Variants in CD2AP observed in about 807,000 individuals in gnomAD.
CD2AP encodes the protein CD2-associated protein.
CD2AP carries 46 observed loss-of-function variants against 85.1 expected under a neutral mutation model. The observed-to-expected ratio is 0.54, with a 90% CI of 0.43 to 0.69. The LOEUF (loss-of-function observed/expected upper bound fraction) is 0.69. Among genes scored for constraint, CD2AP ranks in the 30% least tolerant of loss-of-function variants. The pLI, the probability that CD2AP is intolerant of heterozygous loss-of-function variation, is 0.00. For synonymous variants in CD2AP, 255 were observed against 252.9 expected (o/e 1.01, Z -0.08); for missense variants, 769 against 729.5 (o/e 1.05, Z -0.62).
intron 17 of CD2AP, among the ~76,000 whole-genome samples, chr6:47,620,592 G>A (rs1368181230): frequency 6.6e-6 from 1 of 152,068 alleles, no homozygotes; most frequent in Non-Finnish European, 1.5e-5. Flanking sequence ...AAGAATGATG[G>A]TGGTATTTTG....
chr6:47,571,289 C>A (rs891752700), intron 5 of CD2AP, among the ~76,000 whole-genome samples: 5 of 152,252 alleles, frequency 3.3e-5, no homozygotes, highest in Admixed American at 6.5e-5. Context: ...ATGGAATTCA[C>A]TTTTCCACCA....
At chr6:47,621,151 C>T (rs1217712329) in intron 17 of CD2AP, among the ~76,000 whole-genome samples, 1 of 152,154 alleles carries the variant, frequency 6.6e-6, no homozygotes, top group East Asian at 1.9e-4. Flanking sequence ...TTCAACTTTT[C>T]CCCATTCTGT....
At chr6:47,560,361 CT>C (rs559198143) in intron 5 of CD2AP, among the ~76,000 whole-genome samples, 10 of 151,784 alleles carry the variant, frequency 6.6e-5, no homozygotes, top group African/African-American at 1.9e-4. Flanking sequence ...CTCCATACAC[CT>C]TTTTTTTATT....
At chr6:47,537,567 C>CT (rs907441953) in intron 3 of CD2AP, among the ~76,000 whole-genome samples, 27 of 152,236 alleles carry the variant, frequency 1.8e-4, no homozygotes, top group African/African-American at 6.5e-4. Flanking sequence ...TTGGCTTTAT[C>CT]TTAATATACA....
intron 13 of CD2AP, among the ~76,000 whole-genome samples, chr6:47,601,198 G>A (rs1769120249): frequency 6.6e-6 from 1 of 151,698 alleles, no homozygotes; most frequent in Non-Finnish European, 1.5e-5. Context: ...CTTGGTTTGG[G>A]GGACCCTATT....
intron 5 of CD2AP, among the ~76,000 whole-genome samples, chr6:47,565,229 C>G (rs926300213): frequency 7.9e-5 from 12 of 152,078 alleles, no homozygotes; most frequent in African/African-American, 2.7e-4. Flanking sequence ...TGAGTGGTTT[C>G]TATATAAAAG....
intron 2 of CD2AP, among the ~76,000 whole-genome samples, chr6:47,504,530 T>C (rs1180343897): frequency 2.0e-5 from 3 of 152,252 alleles, no homozygotes; most frequent in Non-Finnish European, 4.4e-5. Flanking sequence ...TTCTCCCATA[T>C]ACTTTAAATA....
At chr6:47,485,739 G>A (rs528426663) in intron 1 of CD2AP, among the ~76,000 whole-genome samples, 2 of 152,126 alleles carry the variant, frequency 1.3e-5, no homozygotes, top group Admixed American at 1.3e-4. Context: ...CTATGTAGGT[G>A]TACCATTTTT....
At chr6:47,568,467 C>T (rs537863504) in intron 5 of CD2AP, among the ~76,000 whole-genome samples, 3 of 152,112 alleles carry the variant, frequency 2.0e-5, no homozygotes, top group Admixed American at 6.5e-5. Flanking sequence ...GTAGGCTGGG[C>T]GCGGTGGCTT....
intron 1 of CD2AP, among the ~76,000 whole-genome samples, chr6:47,482,867 A>C (rs1765478954): frequency 6.6e-6 from 1 of 152,208 alleles, no homozygotes; most frequent in Admixed American, 6.5e-5. Context: ...GAACGATAAA[A>C]ATGCTTACTT....
intron 17 of CD2AP, among the ~76,000 whole-genome samples, chr6:47,615,843 G>A (rs577888216): frequency 1.6e-3 from 221 of 140,274 alleles, no homozygotes; most frequent in African/African-American, 5.6e-3. Context: ...GCAGTGGTAC[G>A]AACTCGGCTG....
intron 17 of CD2AP, among the ~76,000 whole-genome samples, chr6:47,623,821 TTATG>T (rs1472100266): frequency 6.6e-6 from 1 of 152,156 alleles, no homozygotes; most frequent in Non-Finnish European, 1.5e-5. Flanking sequence ...TTACTGTTGT[TTATG>T]TATCCTTTGT....
In CD2AP at chr6:47,612,475, A is replaced by G. The variant is rs759621262; in HGVS notation, c.1817A>G (p.Lys606Arg). The change falls in exon 17 of 18, where the codon AAA (lysine) becomes AGA (arginine). Residue 606 changes from lysine to arginine, a missense_variant and splice_region_variant. Coordinates refer to ENST00000359314, the MANE Select transcript of CD2AP (RefSeq NM_012120.3). ...AGTAATAAGTACTTTGTTTTTAGGA[A>G]AGAACTGGAAAAACTGCGAAAAGAT... ...IVEALKKDHG[K>R]ELEKLRKDLE... is the part of the protein sequence containing the mutation. 6.3e-7 allele frequency: 1 copy of G among 1,592,510 alleles called. No individual in the cohort carries two copies. Among genetic ancestry groups the G allele is most frequent in the South Asian group, 1.1e-5 (1 of 90,612 alleles).
rs377712736 is a variant in CD2AP, at chr6:47,499,956, T to C, written c.5-3324T>C. ...ATTGGCCAGGCTGGTCTCGAACTCC[T>C]GACCTCAGGTGATCCACCCACCTCA... On this transcript the variant is annotated intron_variant, in intron 1 of 17. Transcript: ENST00000359314. Among the ~76,000 whole-genome samples, 13 of 152,296 alleles carry C rather than the reference T, an allele frequency of 8.5e-5. No individual in the cohort carries two copies. The East Asian group carries it at 1.9e-3, about 23-fold the overall frequency.
chr6:47,574,479 CACTT>C (rs1181075274), intron 6 of CD2AP, among the ~76,000 whole-genome samples: 1 of 151,454 alleles, frequency 6.6e-6, no homozygotes, highest in Non-Finnish European at 1.5e-5. Flanking sequence ...AAATTTAACA[CACTT>C]AGTAGAAGCT....
chr6:47,535,761 A>T (rs6904764), intron 3 of CD2AP, among the ~76,000 whole-genome samples: 40,884 of 152,036 alleles, frequency 0.27, 5,686 homozygotes, highest in African/African-American at 0.33. Context: ...ATACAGCTGA[A>T]CCTCTATATA....
intron 5 of CD2AP, among the ~76,000 whole-genome samples, chr6:47,555,638 C>T (rs923081603): frequency 6.6e-6 from 1 of 152,030 alleles, no homozygotes; most frequent in Non-Finnish European, 1.5e-5. Flanking sequence ...GCTCAGACTG[C>T]TTATGTACTG....
intron 11 of CD2AP, among the ~76,000 whole-genome samples, chr6:47,595,192 T>A (rs545176092): frequency 6.6e-6 from 1 of 152,164 alleles, no homozygotes; most frequent in South Asian, 2.1e-4. Context: ...ATTGTCTTTA[T>A]TGACATAGTA....
intron 17 of CD2AP, among the ~76,000 whole-genome samples, chr6:47,619,893 C>T (rs1195083563): frequency 6.6e-6 from 1 of 152,178 alleles, no homozygotes; most frequent in East Asian, 1.9e-4. Context: ...TATTCATGAA[C>T]TTAGCCCACT....
Sources: gnomAD v4.1 joint callset for allele counts (sites outside exome capture counted in the v4.1 genomes callset) on GRCh38, gnomAD v4.1.1 for gene constraint, MANE v1.5 for transcripts, NCBI Gene and HGNC (gene_info 2026-07-23, HGNC 2026-07-21) for gene names.